Variants in TBC1D16 observed in about 807,000 individuals in gnomAD.
TBC1D16 encodes the protein CTD-2529O21.1.
In TBC1D16, 58 loss-of-function variants were observed where a neutral mutation model predicts 74.7. That is an observed-to-expected ratio of 0.78 (90% CI 0.63 to 0.97). TBC1D16 has a LOEUF of 0.97. Among genes scored for constraint, TBC1D16 ranks in the 50% least tolerant of loss-of-function variants. The probability of loss-of-function intolerance (pLI) is 0.00; values close to 1 mark genes in which losing one functional copy is unlikely to be tolerated. For missense variants in TBC1D16, 1,014 were observed against 1,079.5 expected (o/e 0.94, Z 0.85); for synonymous variants, 493 against 474.7 (o/e 1.04, Z -0.50).
chr17:80,003,390 C>A (rs928200193), intron 3 of TBC1D16, among the ~76,000 whole-genome samples: 1 of 152,206 alleles, frequency 6.6e-6, no homozygotes, highest in Non-Finnish European at 1.5e-5. Flanking sequence ...GAACGAAACA[C>A]TCACTTCCCC....
chr17:79,936,941 C>CAT lies in TBC1D16; in HGVS notation c.*3917_*3918insAT, dbSNP rs2031654484. 9.1e-6 allele frequency: 1 copy of CAT among 110,378 alleles called. No individual in the cohort carries two copies. The highest frequency in any genetic ancestry group is 2.7e-4 in the South Asian group (1 of 3,718). 6.8% of individuals were successfully genotyped at this position (110,378 alleles called of 1,614,324 possible). A position where few individuals can be genotyped will look rare whatever the true frequency, so the allele number is the denominator to read the frequency against. ...GTGTGTGTGTGTGTGTGTGTGTGTG[C>CAT]GCATTTTCCCAGGGGACCTCTCCTC... On this transcript the variant is annotated 3_prime_UTR_variant, in exon 12 of 12. Coordinates refer to ENST00000310924, the MANE Select transcript of TBC1D16 (RefSeq NM_019020.4).
chr17:80,010,560 G>C lies in TBC1D16; in HGVS notation c.379C>G (p.Pro127Ala). ...GTCAGGGTAGGCCGCAGCTCCGTCG[G>C]GGAGGGCTGGTGGGAGGCTCCTGAG... ...RSSGASHQPS[P>A]TELRPTLTPK... The change falls in exon 3 of 12, where the codon CCG (proline) becomes GCG (alanine). Residue 127 changes from proline (P) to alanine (A), a missense_variant. Transcript: ENST00000310924. This position sits in a 1 kb window ranked among gnomAD's most constrained non-coding sequence, Gnocchi z 8.8. 1 of 1,605,278 alleles carries C rather than the reference G, an allele frequency of 6.2e-7. No homozygotes were observed. The highest frequency in any genetic ancestry group is 1.7e-5 in the Admixed American group (1 of 57,952).
rs918100727 is a variant in TBC1D16 at position 79,956,120 on chromosome 17, C to T, written c.780-3302G>A. ...AGCCCCGACACCTGTCAATGGAGGC[C>T]GTTCCAGACCCTCCGCCCACCCAAG... On this transcript the variant is annotated intron_variant, in intron 3 of 11. Transcript: ENST00000310924. This position sits in a 1 kb window ranked among gnomAD's most constrained non-coding sequence, Gnocchi z 4.0. Among the ~76,000 whole-genome samples the T allele has an allele frequency of 1.3e-5, 2 of 152,174 alleles. No individual in the cohort carries two copies. The highest frequency in any genetic ancestry group is 2.4e-5 in the African/African-American group (1 of 41,434).
chr17:79,939,724 T>TG lies in TBC1D16; in HGVS notation c.*1134dup, dbSNP rs1382740169. 2 of 152,262 alleles carry TG rather than the reference T, an allele frequency of 1.3e-5. No homozygotes were observed. The highest frequency in any genetic ancestry group is 2.9e-5 in the Non-Finnish European group (2 of 68,014). 9.4% of individuals were successfully genotyped at this position (152,262 alleles called of 1,614,324 possible). ...ATCTTTTGGAAGAGGGAGAGTCTGT[T>TG]GGGAAGACCTCATTCCCACATAGAA... On this transcript the variant is annotated 3_prime_UTR_variant, in exon 12 of 12. Transcript: ENST00000310924.
chr17:79,998,125 C>CAAAA (rs901486919), intron 3 of TBC1D16, among the ~76,000 whole-genome samples: 7 of 51,962 alleles, frequency 1.3e-4, no homozygotes, highest in African/African-American at 3.7e-4. Context: ...AACTCTGTCT[C>CAAAA]AAAAAAAAAA....
At chr17:80,031,940 G>C (rs1318404390) in intron 1 of TBC1D16, among the ~76,000 whole-genome samples, 1 of 152,192 alleles carries the variant, frequency 6.6e-6, no homozygotes, top group East Asian at 1.9e-4. Context: ...TGAAACTGGG[G>C]GGACATATTA....
At position 80,007,859 on chromosome 17, in the gene TBC1D16, T is replaced by C. The variant is rs1392517713; in HGVS notation, c.779+2301A>G. ...ATCGCTCAGCAGGGCCAGATGGTGATGGGCCTTGGACCCCGAGTGAAGGAG... is the reference window on the plus strand; with the variant it reads ...ATCGCTCAGCAGGGCCAGATGGTGACGGGCCTTGGACCCCGAGTGAAGGAG... On this transcript the variant is annotated intron_variant, in intron 3 of 11. Coordinates refer to ENST00000310924, the MANE Select transcript of TBC1D16 (RefSeq NM_019020.4). This position sits in a 1 kb window ranked among gnomAD's most constrained non-coding sequence, Gnocchi z 4.5. Among the ~76,000 whole-genome samples, 1 of 152,052 alleles carries C rather than the reference T, an allele frequency of 6.6e-6. No homozygotes were observed.
intron 3 of TBC1D16, among the ~76,000 whole-genome samples, chr17:79,968,842 C>CAAAAAAAAAAA (rs34365366): frequency 1.8e-5 from 1 of 55,392 alleles, no homozygotes; most frequent in Non-Finnish European, 3.0e-5. Context: ...GATGCCGTCT[C>CAAAAAAAAAAA]AAAAAAAAAA....
At chr17:80,023,369 G>C (rs117058203) in intron 1 of TBC1D16, among the ~76,000 whole-genome samples, 2 of 147,040 alleles carry the variant, frequency 1.4e-5, no homozygotes, top group Admixed American at 6.6e-5. Context: ...GACAGTACCC[G>C]GGCAGCCACA....
intron 3 of TBC1D16, among the ~76,000 whole-genome samples, chr17:79,989,225 G>C (rs761929276): frequency 7.2e-5 from 11 of 152,138 alleles, no homozygotes; most frequent in Non-Finnish European, 1.3e-4. Context: ...ATTGGCCAGC[G>C]CAGGAACTTT....
At position 79,948,963 on chromosome 17, in the gene TBC1D16, C is replaced by T. The variant is rs1327156361; in HGVS notation, c.1450G>A (p.Val484Met). 6.2e-7 allele frequency: 1 copy of T among 1,614,086 alleles called. No individual in the cohort carries two copies. The highest frequency in any genetic ancestry group is 8.5e-7 in the Non-Finnish European group (1 of 1,180,048). Residue 484 changes from valine to methionine, a missense_variant, in exon 8 of 12, where the codon GTG becomes ATG. Val to Met is a conservative substitution (Grantham distance 21). Transcript: ENST00000310924. ...PEEHRAFWRN[V>M]QFTVDKDVVR... ...ACGTCTTTGTCCACAGTGAACTGCA[C>T]ATTACGCCAGAACGCTCTGTGCTCC... is the stretch of plus-strand genomic sequence containing the variant.
chr17:80,035,621 C>T lies in TBC1D16; in HGVS notation c.-63+174G>A, dbSNP rs2036963909. On this transcript the variant is annotated intron_variant, in intron 1 of 11. Coordinates refer to ENST00000310924, the MANE Select transcript of TBC1D16 (RefSeq NM_019020.4). This position sits in a 1 kb window ranked among gnomAD's most constrained non-coding sequence, Gnocchi z 5.3. ...CGCTCCCGCTCCTGCTGGCGCCCCG[C>T]ACCCCGAGGACGGCGGCCGGACCCC... Among the ~76,000 whole-genome samples, 1 of 151,484 alleles carries T rather than the reference C, an allele frequency of 6.6e-6. No homozygotes were observed. The highest frequency in any genetic ancestry group is 1.5e-5 in the Non-Finnish European group (1 of 67,808).
Position 79,975,517 on chromosome 17 carries a change from G to T in TBC1D16, c.780-22699C>A, listed in dbSNP as rs954651925. ...ACAAAAAGCTTGCTCAAAAGAATGG[G>T]ACCGGGAGCAACCGCAATGCCCTCT... On this transcript the variant is annotated intron_variant, in intron 3 of 11. Coordinates refer to ENST00000310924, the MANE Select transcript of TBC1D16 (RefSeq NM_019020.4). The surrounding 1 kb of genome is among the most constrained non-coding windows in gnomAD (Gnocchi z 4.5). Among the ~76,000 whole-genome samples the T allele has an allele frequency of 6.6e-6, 1 of 152,156 alleles. No homozygotes were observed. Among genetic ancestry groups the T allele is most frequent in the African/African-American group, 2.4e-5 (1 of 41,426 alleles).
intron 2 of TBC1D16, among the ~76,000 whole-genome samples, chr17:80,012,218 A>G (rs1002863404): frequency 2.6e-4 from 39 of 152,184 alleles, no homozygotes; most frequent in African/African-American, 9.2e-4. Flanking sequence ...GGATAACATG[A>G]GCCTGAGGCT....
chr17:79,943,828 C>G, intron 10 of TBC1D16: 1 of 1,348,804 alleles, frequency 7.4e-7, no homozygotes, highest in Non-Finnish European at 9.6e-7. Flanking sequence ...TCAGCCTGAA[C>G]GTAAAGGAAT....
At chr17:79,995,027 C>T (rs1373066621) in intron 3 of TBC1D16, among the ~76,000 whole-genome samples, 3 of 151,978 alleles carry the variant, frequency 2.0e-5, no homozygotes, top group African/African-American at 4.8e-5. Flanking sequence ...GGCCGGGCAC[C>T]GTGGCTCATA....
rs1391716831 is a variant in TBC1D16, at chr17:79,985,407, A to G, written c.779+24753T>C. Among the ~76,000 whole-genome samples the G allele has an allele frequency of 6.6e-6, 1 of 152,222 alleles. No homozygotes were observed. The highest frequency in any genetic ancestry group is 1.5e-5 in the Non-Finnish European group (1 of 68,032). ...GGGGAAGGGAGTCACTATCCAGGCC[A>G]CGGCAGACACAGTTCCCCGAAACTG... On this transcript the variant is annotated intron_variant, in intron 3 of 11. Transcript: ENST00000310924. This position sits in a 1 kb window ranked among gnomAD's most constrained non-coding sequence, Gnocchi z 4.9.
intron 7 of TBC1D16, 65 bp from the exon 8 acceptor site, chr17:79,949,071 A>ACACT: frequency 6.2e-7 from 1 of 1,600,776 alleles, no homozygotes; most frequent in South Asian, 1.1e-5. Context: ...TGTGGCGCAC[A>ACACT]CACTGCAGGA....
At chr17:79,960,811 G>GAAAAAAAAAAAA (rs2033578708) in intron 3 of TBC1D16, among the ~76,000 whole-genome samples, 3 of 40,328 alleles carry the variant, frequency 7.4e-5, no homozygotes, top group Non-Finnish European at 9.9e-5. Context: ...AAAAAAAAAC[G>GAAAAAAAAAAAA]AAGGAATGAA....
Sources: allele counts gnomAD v4.1 joint callset (sites outside exome capture counted in the v4.1 genomes callset), GRCh38; gene constraint gnomAD v4.1.1; non-coding constraint Gnocchi (gnomAD v3.1); transcripts MANE v1.5; gene names NCBI Gene and HGNC (gene_info 2026-07-23, HGNC 2026-07-21).